Variants in PGM2L1 observed in about 807,000 individuals in gnomAD.
PGM2L1 encodes phosphoglucomutase 2 like 1, also known as glucose 1,6-bisphosphate synthase.
PGM2L1 carries 35 observed loss-of-function variants against 73.4 expected under a neutral mutation model. That is an observed-to-expected ratio of 0.48 (90% CI 0.36 to 0.63). The LOEUF (loss-of-function observed/expected upper bound fraction) is 0.63, where lower values mean the gene tolerates loss of function less well. Among genes scored for constraint, PGM2L1 ranks in the 30% least tolerant of loss-of-function variants. The pLI is 0.00. For synonymous variants in PGM2L1, 225 were observed against 253.8 expected, an observed-to-expected ratio of 0.89 and a Z score of 1.08; for missense variants, 570 against 742.0, an observed-to-expected ratio of 0.77 and a Z score of 2.69.
chr11:74,352,462 A>G (rs1383053792), intron 5 of PGM2L1, among the ~76,000 whole-genome samples: 1 of 152,234 alleles, frequency 6.6e-6, no homozygotes, highest in African/African-American at 2.4e-5. Context: ...ATAAGACATT[A>G]GGAACAGTTA....
At position 74,334,796 on chromosome 11, in the gene PGM2L1, G is replaced by A. The variant is rs1236210321; in HGVS notation, c.*1856C>T. 6.6e-6 allele frequency: 1 copy of A among 151,880 alleles called. No individual in the cohort carries two copies. The allele number at this position is 151,880 out of a possible 1,614,324, so 9.4% of individuals were successfully genotyped here. On this transcript the variant is annotated 3_prime_UTR_variant, in exon 14 of 14. Coordinates refer to ENST00000298198, the MANE Select transcript of PGM2L1 (RefSeq NM_173582.6). ...TATCTCCCATAAGCAATTTGTTTAG[G>A]TCTTGTTATTGTTATCTCCTAACTA...
In PGM2L1 at chr11:74,376,001, C is replaced by T. The variant is rs11236080; in HGVS notation, c.112-1419G>A. ...TGGCAAAAATTGAATAGACTCTTCA[C>T]GTTTAGAGGGTACATAGCACTGTAA... On this transcript the variant is annotated intron_variant, in intron 1 of 13. Transcript: ENST00000298198. 3.6e-3 allele frequency among the ~76,000 whole-genome samples: 543 copies of T among 152,236 alleles called. 1 individual carries two copies. The highest frequency in any genetic ancestry group is 6.0e-3 in the Non-Finnish European group (405 of 68,000).
chr11:74,351,159 A>AT, intron 6 of PGM2L1, among the ~76,000 whole-genome samples: 1 of 152,150 alleles, frequency 6.6e-6, no homozygotes, highest in Admixed American at 6.5e-5. Flanking sequence ...TAGTTCATTT[A>AT]TTTTTATTGC....
In PGM2L1 at chr11:74,346,846, A is replaced by G. The variant is rs1862274650; in HGVS notation, c.940-17T>C. On this transcript the variant is annotated splice_polypyrimidine_tract_variant and intron_variant, in intron 7 of 13. Coordinates refer to ENST00000298198, the MANE Select transcript of PGM2L1 (RefSeq NM_173582.6). ...GGAAAGTTCCTGAAACAGTGACCCA[A>G]AAAGCTGGATTGTACTGAAGAACCT... The G allele has an allele frequency of 1.3e-6, 2 of 1,585,988 alleles. No homozygotes were observed. Among genetic ancestry groups the G allele is most frequent in the Admixed American group, 3.3e-5 (2 of 59,956 alleles).
chr11:74,365,536 C>T (rs1145683), intron 5 of PGM2L1, among the ~76,000 whole-genome samples: 8,168 of 152,204 alleles, frequency 0.054, 705 homozygotes, highest in African/African-American at 0.18. Flanking sequence ...ACAACCCCAT[C>T]GAAAAGTGGG....
intron 10 of PGM2L1, 92 bp from the exon 11 acceptor site, chr11:74,343,106 A>G: frequency 6.9e-7 from 1 of 1,453,144 alleles, no homozygotes; most frequent in South Asian, 1.4e-5. Context: ...AGGAAATTTA[A>G]AAGCCTAGTA....
chr11:74,356,428 G>A (rs1862456396), intron 5 of PGM2L1, among the ~76,000 whole-genome samples: 1 of 152,006 alleles, frequency 6.6e-6, no homozygotes, highest in East Asian at 1.9e-4. Flanking sequence ...AATTATCTTG[G>A]AAAAAATATT....
intron 6 of PGM2L1, among the ~76,000 whole-genome samples, chr11:74,350,935 GAGAA>G (rs1173997153): frequency 6.6e-6 from 1 of 151,444 alleles, no homozygotes; most frequent in Non-Finnish European, 1.5e-5. Context: ...GAGAGAGAGA[GAGAA>G]AGAAACTAAC....
intron 1 of PGM2L1, among the ~76,000 whole-genome samples, chr11:74,377,134 A>C (rs1040475188): frequency 6.8e-6 from 1 of 146,306 alleles, no homozygotes; most frequent in East Asian, 2.0e-4. Context: ...CATTATTATT[A>C]TTTCTTTTTT....
At chr11:74,360,986 A>C (rs2134913275) in intron 5 of PGM2L1, among the ~76,000 whole-genome samples, 1 of 152,348 alleles carries the variant, frequency 6.6e-6, no homozygotes, top group South Asian at 2.1e-4. Flanking sequence ...GGCATAGCCA[A>C]ACAAAAGGCG....
At chr11:74,359,760 G>T (rs1325468213) in intron 5 of PGM2L1, among the ~76,000 whole-genome samples, 1 of 152,096 alleles carries the variant, frequency 6.6e-6, no homozygotes. Context: ...TATATGTGTG[G>T]ACTATCCCTG....
chr11:74,362,313 GAATAA>G (rs1260549001), intron 5 of PGM2L1, among the ~76,000 whole-genome samples: 1 of 151,104 alleles, frequency 6.6e-6, no homozygotes, highest in African/African-American at 2.4e-5. Flanking sequence ...CATAAGTAAA[GAATAA>G]AATCCTTTAC....
chr11:74,382,788 C>T (rs962480638), intron 1 of PGM2L1, among the ~76,000 whole-genome samples: 12 of 152,154 alleles, frequency 7.9e-5, no homozygotes, highest in Admixed American at 6.6e-4. Flanking sequence ...CATGAGCCAC[C>T]GCACCTGCTT....
intron 2 of PGM2L1, among the ~76,000 whole-genome samples, chr11:74,373,025 T>TA (rs34565565): frequency 0.43 from 64,795 of 151,526 alleles, 15,483 homozygotes; most frequent in Middle Eastern, 0.56. Context: ...TTTTTGCCAT[T>TA]AAAAAAAATG....
chr11:74,345,357 A>C, intron 9 of PGM2L1, 112 bp downstream of exon 9: 1 of 1,063,030 alleles, frequency 9.4e-7, no homozygotes, highest in Non-Finnish European at 1.3e-6. Flanking sequence ...CAGAATTAGA[A>C]AAATAAGGGA....
intron 1 of PGM2L1, among the ~76,000 whole-genome samples, chr11:74,382,197 T>C (rs1862958047): frequency 6.6e-6 from 1 of 152,216 alleles, no homozygotes; most frequent in Non-Finnish European, 1.5e-5. Flanking sequence ...TAATCATTAA[T>C]TATCTTTCAC....
intron 5 of PGM2L1, chr11:74,354,986 G>C (rs909262506): frequency 1.7e-5 from 19 of 1,139,828 alleles, no homozygotes; most frequent in Non-Finnish European, 7.9e-6. Flanking sequence ...GGAAAGCCCT[G>C]TCAAAGCAAG....
rs1862030409 is a variant in PGM2L1 at position 74,332,535 on chromosome 11, GTAAC to G, written c.*4113_*4116del. 6.6e-6 allele frequency: 1 copy of G among 152,586 alleles called. No individual in the cohort carries two copies. The highest frequency in any genetic ancestry group is 2.4e-5 in the African/African-American group (1 of 41,432). The allele number at this position is 152,586 out of a possible 1,614,324, so 9.5% of individuals were successfully genotyped here. A position where few individuals can be genotyped will look rare whatever the true frequency, so the allele number is the denominator to read the frequency against. On this transcript the variant is annotated 3_prime_UTR_variant, in exon 14 of 14. Coordinates refer to ENST00000298198, the MANE Select transcript of PGM2L1 (RefSeq NM_173582.6). ...GGTAACAGGGCAATAGTCCTTCACAGTAACAAAATGTGCAAGGGTGCCTAGGAAA... is the reference window on the plus strand; with the variant it reads ...GGTAACAGGGCAATAGTCCTTCACAGAAAATGTGCAAGGGTGCCTAGGAAA...
chr11:74,374,004 G>A (rs1459575303), intron 2 of PGM2L1, among the ~76,000 whole-genome samples: 1 of 123,114 alleles, frequency 8.1e-6, no homozygotes, highest in Non-Finnish European at 1.6e-5. Flanking sequence ...GGGAAATAAA[G>A]TTTTGTGTGT....
Sources: gnomAD v4.1 joint callset for allele counts (sites outside exome capture counted in the v4.1 genomes callset) on GRCh38, gnomAD v4.1.1 for gene constraint, MANE v1.5 for transcripts, NCBI Gene and HGNC (gene_info 2026-07-23, HGNC 2026-07-21) for gene names.